ZNF618: variants seen among roughly 807,000 people sequenced by gnomAD.
ZNF618 encodes the protein zinc finger protein 618, also known as neural precursor cell expressed, developmentally down-regulated 10.
ZNF618 carries 34 observed loss-of-function variants against 103.0 expected under a neutral mutation model. That is an observed-to-expected ratio of 0.33 (90% confidence interval 0.25 to 0.44). The LOEUF (loss-of-function observed/expected upper bound fraction) is 0.44. Among genes scored for constraint, ZNF618 ranks in the 20% least tolerant of loss-of-function variants. The probability of loss-of-function intolerance (pLI) is 1.00; values close to 1 mark genes in which losing one functional copy is unlikely to be tolerated. For missense variants in ZNF618, 1,059 were observed against 1,295.4 expected (o/e 0.82, Z 2.80); for synonymous variants, 551 against 542.2 (o/e 1.02, Z -0.23).
At chr9:113,974,241 G>C (rs1445464385) in intron 2 of ZNF618, among the ~76,000 whole-genome samples, 2 of 152,236 alleles carry the variant, frequency 1.3e-5, no homozygotes, top group Admixed American at 6.5e-5. Flanking sequence ...GGGAAGGTGA[G>C]TCATGAAGAA....
intron 1 of ZNF618, among the ~76,000 whole-genome samples, chr9:113,925,293 C>T (rs1264965670): frequency 6.6e-6 from 1 of 151,900 alleles, no homozygotes; most frequent in Non-Finnish European, 1.5e-5. Context: ...CTGACTTCTG[C>T]TTTGTCTGAA....
At chr9:114,028,645 A>T in intron 10 of ZNF618, 88 bp from the exon 11 acceptor site, 1 of 1,474,878 alleles carries the variant, frequency 6.8e-7, no homozygotes. Context: ...GACAGTCCCA[A>T]CCCTGGAATG....
chr9:113,906,330 G>A (rs1830986444), intron 1 of ZNF618, among the ~76,000 whole-genome samples: 1 of 152,170 alleles, frequency 6.6e-6, no homozygotes, highest in African/African-American at 2.4e-5. Context: ...AGATGCCAGA[G>A]GTTATGGCTC....
At position 114,008,495 on chromosome 9, in the gene ZNF618, T is replaced by C. The variant is rs761333560; in HGVS notation, c.695T>C (p.Val232Ala). The C allele has an allele frequency of 1.8e-5, 29 of 1,613,748 alleles. No homozygotes were observed. Among genetic ancestry groups the C allele is most frequent in the Non-Finnish European group, 2.4e-5 (28 of 1,179,840 alleles). The change falls in exon 9 of 15, where the codon GTC becomes GCC. Residue 232 changes from valine (V) to alanine (A), a missense_variant. By Grantham distance (64) the Val-to-Ala change is moderately conservative. Around this residue, in one of 6 missense-constraint regions of ZNF618, gnomAD observed 434 missense variants for 476.0 expected, o/e 0.91. Coordinates refer to ENST00000374126, the MANE Select transcript of ZNF618 (RefSeq NM_001318042.2). ...CCCACAGACCCCTTCGACCAAGGTG[T>C]CGTGGCCACGGACGAGGTGAAGGAG... ...ENRADPFDQG[V>A]VATDEVKEEP... is the part of the protein sequence containing the mutation.
At chr9:113,903,271 C>A (rs1830706551) in intron 1 of ZNF618, among the ~76,000 whole-genome samples, 1 of 152,162 alleles carries the variant, frequency 6.6e-6, no homozygotes, top group South Asian at 2.1e-4. Context: ...ATGGAAAAGA[C>A]CCCTTGACAT....
At position 113,988,370 on chromosome 9, in the gene ZNF618, C is replaced by T. The variant is rs1839693682; in HGVS notation, c.127C>T (p.Pro43Ser). The change falls in exon 3 of 15, where the codon CCA becomes TCA. Residue 43 changes from proline (P) to serine (S), a missense_variant. By Grantham distance (74) the Pro-to-Ser change is moderately conservative. Around this residue, in one of 6 missense-constraint regions of ZNF618, gnomAD observed 194 missense variants for 209.0 expected, o/e 0.93. Transcript: ENST00000374126. ...GAGCACCAAGGTGGAGGGCCCAGAG[C>T]CAGTGCCAGCCGAGGCCTCGCTGAG... ...QKSTKVEGPEPVPAEASLSAE... is the reference protein window; with the variant it reads ...QKSTKVEGPESVPAEASLSAE... 3 of 1,613,256 alleles carry T rather than the reference C, an allele frequency of 1.9e-6. No homozygotes were observed. The highest frequency in any genetic ancestry group is 2.5e-6 in the Non-Finnish European group (3 of 1,179,868).
chr9:114,008,638 G>A (rs10817552), intron 9 of ZNF618, 84 bp downstream of exon 9: 510,654 of 1,508,248 alleles, frequency 0.34, 92,354 homozygotes, highest in East Asian at 0.64. Context: ...TAGGGCAGGG[G>A]TAGCAGTGGG....
intron 2 of ZNF618, among the ~76,000 whole-genome samples, chr9:113,987,874 C>G (rs1392262643): frequency 6.7e-6 from 1 of 149,072 alleles, no homozygotes; most frequent in South Asian, 2.2e-4. Flanking sequence ...TACCCCAGAA[C>G]AGCTGAGCCA....
intron 1 of ZNF618, among the ~76,000 whole-genome samples, chr9:113,942,489 C>T (rs1306802844): frequency 6.6e-6 from 1 of 152,144 alleles, no homozygotes; most frequent in Non-Finnish European, 1.5e-5. Context: ...AGGTAGATGT[C>T]TTTGAGCTTG....
intron 2 of ZNF618, among the ~76,000 whole-genome samples, chr9:113,973,636 C>G (rs1007055661): frequency 3.3e-5 from 5 of 152,188 alleles, no homozygotes; most frequent in African/African-American, 4.8e-5. Context: ...TAGCATAACT[C>G]CAGCCAAACC....
Position 114,009,721 on chromosome 9 carries a change from A to G in ZNF618, c.754+1167A>G, listed in dbSNP as rs572192133. Among the ~76,000 whole-genome samples, 10 of 152,262 alleles carry G rather than the reference A, an allele frequency of 6.6e-5. No individual in the cohort carries two copies. The South Asian group carries it at 1.9e-3, about 28-fold the overall frequency. ...ACAAAAACAGAACAAGCAGATGAGG[A>G]TATCTGAGTGAAGGAAAATCAGAGG... On this transcript the variant is annotated intron_variant, in intron 9 of 14. Coordinates refer to ENST00000374126, the MANE Select transcript of ZNF618 (RefSeq NM_001318042.2).
At chr9:113,884,774 CAGAGAGAGAGAGAGAGAGAG>C (rs3034065) in intron 1 of ZNF618, among the ~76,000 whole-genome samples, 1 of 142,168 alleles carries the variant, frequency 7.0e-6, no homozygotes, top group African/African-American at 2.6e-5. Flanking sequence ...CACAAACACA[CAGAGAGAGAGAGAGAGAGAG>C]AGAGAGAGAG....
chr9:113,998,137 C>T (rs568725027), intron 3 of ZNF618, 122 bp from the exon 4 acceptor site: 62 of 869,862 alleles, frequency 7.1e-5, no homozygotes, highest in South Asian at 2.7e-4. Context: ...AGGTTTTTAA[C>T]GAAGAGGTAG....
In ZNF618 at chr9:114,032,714, C is replaced by G. The variant is rs552764833; in HGVS notation, c.1154C>G (p.Ser385Trp). The stretch of plus-strand genomic sequence containing the variant: ...CACTTTGAAGAGACGAACAGCAGTT[C>G]GCAGAACTCCAGCGGTGAGTGTGCC... ...QNHFEETNSS[S>W]QNSSEPYTCG... The change falls in exon 12 of 15, where the codon TCG becomes TGG. Residue 385 changes from serine to tryptophan, a missense_variant. Physicochemically the swap from Ser to Trp is radical, Grantham distance 177 (BLOSUM62 -3). Around this residue, in one of 6 missense-constraint regions of ZNF618, gnomAD observed 434 missense variants for 476.0 expected, o/e 0.91. Coordinates refer to ENST00000374126, the MANE Select transcript of ZNF618 (RefSeq NM_001318042.2). 1 of 1,613,910 alleles carries G rather than the reference C, an allele frequency of 6.2e-7. No individual in the cohort carries two copies. Among genetic ancestry groups the G allele is most frequent in the African/African-American group, 1.3e-5 (1 of 74,934 alleles).
At chr9:113,887,276 GAGAA>G (rs1054751438) in intron 1 of ZNF618, among the ~76,000 whole-genome samples, 10 of 152,122 alleles carry the variant, frequency 6.6e-5, no homozygotes, top group African/African-American at 2.2e-4. Flanking sequence ...TTATAAGACA[GAGAA>G]AGAGAGAGAG....
At chr9:113,893,383 T>C (rs1344400244) in intron 1 of ZNF618, among the ~76,000 whole-genome samples, 1 of 152,250 alleles carries the variant, frequency 6.6e-6, no homozygotes, top group Non-Finnish European at 1.5e-5. Flanking sequence ...CATGCTAATA[T>C]TTGTTTTAAT....
intron 1 of ZNF618, among the ~76,000 whole-genome samples, chr9:113,946,890 T>A (rs1017350264): frequency 6.6e-6 from 1 of 152,176 alleles, no homozygotes; most frequent in Non-Finnish European, 1.5e-5. Context: ...TGACAGGTGT[T>A]TGCTTGTTTC....
chr9:114,035,074 G>T (rs974442477), intron 12 of ZNF618: 11 of 681,226 alleles, frequency 1.6e-5, no homozygotes, highest in Non-Finnish European at 2.0e-5. Flanking sequence ...CCTCTCGGAT[G>T]CTCCCCACTC....
chr9:113,966,281 AC>A, intron 1 of ZNF618, among the ~76,000 whole-genome samples: 1 of 152,218 alleles, frequency 6.6e-6, no homozygotes, highest in East Asian at 1.9e-4. Context: ...CCTTGGAAAT[AC>A]GTGTGACTTG....
Sources: allele counts gnomAD v4.1 joint callset (sites outside exome capture counted in the v4.1 genomes callset), GRCh38; gene constraint gnomAD v4.1.1; regional missense constraint gnomAD v4.1.1; transcripts MANE v1.5; gene names NCBI Gene and HGNC (gene_info 2026-07-23, HGNC 2026-07-21).